Variants in HACD2 observed in about 807,000 individuals in gnomAD.
HACD2 encodes 3-hydroxyacyl-CoA dehydratase 2, also known as very-long-chain (3R)-3-hydroxyacyl-CoA dehydratase 2.
HACD2 carries 15 observed loss-of-function variants against 31.0 expected under a neutral mutation model. The ratio of observed to expected loss-of-function variants is 0.48; its 90% CI spans 0.32 to 0.75. HACD2 has a LOEUF of 0.75. Ranked by LOEUF, HACD2 falls within the 30% of genes least tolerant of loss-of-function variation. The pLI is 0.03. For synonymous variants in HACD2, 115 were observed against 122.2 expected, an observed-to-expected ratio of 0.94 and a Z score of 0.39; for missense variants, 283 against 313.0, an observed-to-expected ratio of 0.90 and a Z score of 0.72.
intron 4 of HACD2, among the ~76,000 whole-genome samples, chr3:123,508,485 G>A (rs1179720642): frequency 6.6e-6 from 1 of 152,210 alleles, no homozygotes; most frequent in Non-Finnish European, 1.5e-5. Context: ...GGGAGTATCA[G>A]TACATGAAAA....
intron 3 of HACD2, among the ~76,000 whole-genome samples, chr3:123,530,749 G>A (rs2056350484): frequency 6.6e-6 from 1 of 151,630 alleles, no homozygotes; most frequent in African/African-American, 2.4e-5. Flanking sequence ...ACAACGTCTT[G>A]CTATGTTGCC....
At chr3:123,548,371 C>T (rs953347604) in intron 3 of HACD2, among the ~76,000 whole-genome samples, 12 of 152,092 alleles carry the variant, frequency 7.9e-5, no homozygotes, top group African/African-American at 2.9e-4. Context: ...TGCCAACAGC[C>T]ATCCCCCAGT....
intron 6 of HACD2, among the ~76,000 whole-genome samples, chr3:123,496,402 C>A (rs2055833429): frequency 1.3e-5 from 2 of 152,140 alleles, no homozygotes; most frequent in Non-Finnish European, 2.9e-5. Context: ...TGACAAGTTT[C>A]TTCCTTTTTA....
intron 3 of HACD2, among the ~76,000 whole-genome samples, chr3:123,567,061 C>T (rs940553212): frequency 6.6e-6 from 1 of 152,162 alleles, no homozygotes; most frequent in Non-Finnish European, 1.5e-5. Flanking sequence ...TTCTAAGTAT[C>T]AACTTCAAAT....
chr3:123,498,603 T>TA (rs546981491), intron 6 of HACD2, among the ~76,000 whole-genome samples: 36 of 152,340 alleles, frequency 2.4e-4, no homozygotes, highest in Admixed American at 2.2e-3. Flanking sequence ...TATGAGAATC[T>TA]AATGCCTGAT....
intron 2 of HACD2, among the ~76,000 whole-genome samples, chr3:123,572,270 C>A (rs2056862973): frequency 6.6e-6 from 1 of 152,154 alleles, no homozygotes; most frequent in African/African-American, 2.4e-5. Flanking sequence ...CTTTGGGAGG[C>A]CAAAGCAGGA....
intron 4 of HACD2, among the ~76,000 whole-genome samples, chr3:123,503,710 A>G (rs996539359): frequency 1.4e-5 from 2 of 139,138 alleles, no homozygotes; most frequent in African/African-American, 5.4e-5. Context: ...CCATGCATCA[A>G]AAAAAAAAAA....
At chr3:123,538,652 C>G (rs2056453515) in intron 3 of HACD2, among the ~76,000 whole-genome samples, 1 of 152,174 alleles carries the variant, frequency 6.6e-6, no homozygotes, top group Non-Finnish European at 1.5e-5. Flanking sequence ...TCAACTTACT[C>G]AAACTCAGCT....
At chr3:123,564,115 G>A (rs2056766580) in intron 3 of HACD2, among the ~76,000 whole-genome samples, 1 of 152,348 alleles carries the variant, frequency 6.6e-6, no homozygotes, top group African/African-American at 2.4e-5. Context: ...TGACTGAATG[G>A]CTGGTGGCCG....
chr3:123,546,261 T>C (rs1302528720), intron 3 of HACD2, among the ~76,000 whole-genome samples: 1 of 152,190 alleles, frequency 6.6e-6, no homozygotes, highest in Non-Finnish European at 1.5e-5. Context: ...TATGTGCTAT[T>C]GCCAAGTGGA....
intron 3 of HACD2, among the ~76,000 whole-genome samples, chr3:123,540,493 ATAACT>A (rs1428632125): frequency 6.6e-6 from 1 of 152,224 alleles, no homozygotes; most frequent in African/African-American, 2.4e-5. Context: ...CTTTCTGAAG[ATAACT>A]TAAAAGGGTG....
At chr3:123,571,777 G>A (rs1186676669) in intron 2 of HACD2, among the ~76,000 whole-genome samples, 4 of 152,162 alleles carry the variant, frequency 2.6e-5, no homozygotes, top group Non-Finnish European at 4.4e-5. Flanking sequence ...GCTAATCGAT[G>A]AGCATTGTTT....
chr3:123,544,569 A>G lies in HACD2; in HGVS notation c.293-16095T>C, dbSNP rs73200032. ...CTTGTTAGAAGATAAATCAAAATCA[A>G]TAAGAATTTATCAATGTCAGGTTTT... On this transcript the variant is annotated intron_variant, in intron 3 of 6. Transcript: ENST00000383657. Among the ~76,000 whole-genome samples, 773 of 152,330 alleles carry G rather than the reference A, an allele frequency of 5.1e-3. 2 individuals carry two copies. Among genetic ancestry groups the G allele is most frequent in the Admixed American group, 8.8e-3 (134 of 15,302 alleles).
chr3:123,522,669 T>TA (rs2056231782), intron 4 of HACD2, among the ~76,000 whole-genome samples: 1 of 151,686 alleles, frequency 6.6e-6, no homozygotes, highest in Non-Finnish European at 1.5e-5. Flanking sequence ...AGACTTTTTT[T>TA]TTTTTTTACC....
chr3:123,578,491 G>C (rs944583814), intron 2 of HACD2, among the ~76,000 whole-genome samples: 1 of 152,042 alleles, frequency 6.6e-6, no homozygotes, highest in Admixed American at 6.6e-5. Flanking sequence ...GGATGGTCTT[G>C]AATTTCTGGC....
At chr3:123,530,408 A>G (rs138759469) in intron 3 of HACD2, among the ~76,000 whole-genome samples, 3 of 134,166 alleles carry the variant, frequency 2.2e-5, no homozygotes, top group African/African-American at 8.5e-5. Flanking sequence ...GTGCCAGGTA[A>G]TTTTTTTTTT....
intron 3 of HACD2, among the ~76,000 whole-genome samples, chr3:123,529,294 G>T (rs2056323570): frequency 6.6e-6 from 1 of 152,154 alleles, no homozygotes; most frequent in Admixed American, 6.5e-5. Flanking sequence ...TAGAGATAGG[G>T]CTTCACCATA....
intron 2 of HACD2, among the ~76,000 whole-genome samples, chr3:123,571,821 A>G (rs73857679): frequency 0.074 from 11,300 of 152,236 alleles, 1,380 homozygotes; most frequent in African/African-American, 0.26. Context: ...TTTTTGTTTT[A>G]CAGCAACAAA....
intron 4 of HACD2, among the ~76,000 whole-genome samples, chr3:123,517,798 G>T (rs537564798): frequency 6.6e-6 from 1 of 152,148 alleles, no homozygotes; most frequent in African/African-American, 2.4e-5. Flanking sequence ...TCAAAAGGTG[G>T]GGAAAAAAAG....
Sources: gnomAD v4.1 joint callset for allele counts (sites outside exome capture counted in the v4.1 genomes callset) on GRCh38, gnomAD v4.1.1 for gene constraint, MANE v1.5 for transcripts, NCBI Gene and HGNC (gene_info 2026-07-23, HGNC 2026-07-21) for gene names.